Variants in SLCO1B1 observed in about 807,000 individuals in gnomAD.
SLCO1B1 encodes solute carrier organic anion transporter family member 1B1.
Under a neutral mutation model 70.1 loss-of-function variants are expected in SLCO1B1, and 81 were observed. That is an observed-to-expected ratio of 1.16 (90% CI 0.97 to 1.39). The LOEUF (loss-of-function observed/expected upper bound fraction) is 1.39. Ranked by LOEUF, SLCO1B1 falls within the 40% of genes most tolerant of loss-of-function variation. SLCO1B1 has a pLI of 0.00. For synonymous variants in SLCO1B1, 283 were observed against 271.5 expected (o/e 1.04, Z -0.42); for missense variants, 895 against 799.6 (o/e 1.12, Z -1.44).
At chr12:21,140,151 A>G (rs1322542195) in intron 1 of SLCO1B1, among the ~76,000 whole-genome samples, 6 of 152,102 alleles carry the variant, frequency 3.9e-5, no homozygotes, top group African/African-American at 1.2e-4. Context: ...CCAAGGAACA[A>G]TGGTTCAATA....
At chr12:21,206,117 A>T in intron 11 of SLCO1B1, 84 bp downstream of exon 11, 1 of 1,111,712 alleles carries the variant, frequency 9.0e-7, no homozygotes, top group Admixed American at 1.7e-5. Flanking sequence ...TTCTGTAACT[A>T]AGGACTCCAT....
intron 2 of SLCO1B1, among the ~76,000 whole-genome samples, chr12:21,168,543 T>C (rs1299261268): frequency 6.6e-6 from 1 of 152,188 alleles, no homozygotes; most frequent in Non-Finnish European, 1.5e-5. Flanking sequence ...CTAACTTCTC[T>C]TACTCGTTAT....
intron 7 of SLCO1B1, among the ~76,000 whole-genome samples, chr12:21,183,459 G>C (rs1272822636): frequency 1.3e-5 from 2 of 152,180 alleles, no homozygotes; most frequent in African/African-American, 4.8e-5. Context: ...GCCTGGCAAA[G>C]TGCTGGAATT....
chr12:21,199,880 C>T (rs976030976), intron 8 of SLCO1B1, among the ~76,000 whole-genome samples: 1 of 151,998 alleles, frequency 6.6e-6, no homozygotes, highest in Non-Finnish European at 1.5e-5. Context: ...CAGCTCACTG[C>T]AACCTTCGCC....
chr12:21,148,921 G>A (rs138956045), intron 2 of SLCO1B1, among the ~76,000 whole-genome samples: 4,290 of 151,924 alleles, frequency 0.028, 84 homozygotes, highest in South Asian at 0.052. Context: ...TGTAGTTCTC[G>A]TTGAAGAGGT....
chr12:21,144,504 A>G (rs1940355792), intron 2 of SLCO1B1, among the ~76,000 whole-genome samples: 1 of 152,180 alleles, frequency 6.6e-6, no homozygotes, highest in South Asian at 2.1e-4. Context: ...GATAAAGTCC[A>G]TGAAAAATTT....
chr12:21,238,414 C>T (rs1382094890), intron 14 of SLCO1B1, among the ~76,000 whole-genome samples: 2 of 151,980 alleles, frequency 1.3e-5, no homozygotes, highest in Admixed American at 6.6e-5. Context: ...TTGAAAATTT[C>T]CACGTCCCGG....
chr12:21,189,876 C>T (rs1941008637), intron 7 of SLCO1B1, among the ~76,000 whole-genome samples: 2 of 152,196 alleles, frequency 1.3e-5, no homozygotes, highest in South Asian at 4.1e-4. Flanking sequence ...AAACACTTAA[C>T]ATCTACTCTC....
intron 7 of SLCO1B1, among the ~76,000 whole-genome samples, chr12:21,181,006 G>T (rs182378908): frequency 5.4e-4 from 82 of 152,264 alleles, no homozygotes; most frequent in Admixed American, 1.8e-3. Context: ...AGGAGCTGAA[G>T]ACATAAAAAT....
intron 1 of SLCO1B1, among the ~76,000 whole-genome samples, chr12:21,138,348 A>G (rs1940257367): frequency 6.6e-6 from 1 of 152,196 alleles, no homozygotes; most frequent in Non-Finnish European, 1.5e-5. Flanking sequence ...TGCTAAATCC[A>G]AATGCCTATG....
chr12:21,225,080 C>T (rs1435688001), intron 14 of SLCO1B1, among the ~76,000 whole-genome samples: 2 of 151,930 alleles, frequency 1.3e-5, no homozygotes, highest in East Asian at 3.9e-4. Flanking sequence ...AGGATAATAA[C>T]CAACTTGTCA....
At chr12:21,232,691 C>CAG (rs374462905) in intron 14 of SLCO1B1, among the ~76,000 whole-genome samples, 3,570 of 143,238 alleles carry the variant, frequency 0.025, 53 homozygotes, top group African/African-American at 0.053. Context: ...CACACACACA[C>CAG]AGAGAGAGAG....
chr12:21,150,222 A>C (rs933845218), intron 2 of SLCO1B1, among the ~76,000 whole-genome samples: 21 of 150,500 alleles, frequency 1.4e-4, no homozygotes, highest in Non-Finnish European at 2.8e-4. Flanking sequence ...AATTCCCTCT[A>C]TCTGGGACAG....
chr12:21,223,066 C>A (rs1324112072), intron 13 of SLCO1B1, among the ~76,000 whole-genome samples: 3 of 152,130 alleles, frequency 2.0e-5, no homozygotes, highest in East Asian at 3.9e-4. Flanking sequence ...AATGGAGATA[C>A]CTCTCTGCTA....
chr12:21,237,606 T>C (rs996544135), intron 14 of SLCO1B1, among the ~76,000 whole-genome samples: 5 of 152,190 alleles, frequency 3.3e-5, no homozygotes, highest in African/African-American at 9.6e-5. Flanking sequence ...TAAAAATAAC[T>C]TAGGAAGTGT....
At chr12:21,161,867 G>A (rs962420868) in intron 2 of SLCO1B1, among the ~76,000 whole-genome samples, 1 of 152,016 alleles carries the variant, frequency 6.6e-6, no homozygotes, top group African/African-American at 2.4e-5. Context: ...AATTAGCCAG[G>A]TGTGATGGCA....
chr12:21,138,779 G>A (rs1009998039), intron 1 of SLCO1B1, among the ~76,000 whole-genome samples: 2 of 151,894 alleles, frequency 1.3e-5, no homozygotes, highest in Non-Finnish European at 2.9e-5. Context: ...CAAGAATGGA[G>A]AATGACATTC....
At chr12:21,133,621 T>C (rs536291714) in intron 1 of SLCO1B1, among the ~76,000 whole-genome samples, 48 of 152,288 alleles carry the variant, frequency 3.2e-4, no homozygotes, top group East Asian at 2.1e-3. Flanking sequence ...ACTCATGATT[T>C]GGCTCTCTGT....
chr12:21,223,919 A>G (rs550609339), intron 13 of SLCO1B1, among the ~76,000 whole-genome samples: 1 of 152,300 alleles, frequency 6.6e-6, no homozygotes, highest in East Asian at 1.9e-4. Flanking sequence ...TAAACAACAT[A>G]TCTGTCTGTG....
Sources: gnomAD v4.1 joint callset for allele counts (sites outside exome capture counted in the v4.1 genomes callset) on GRCh38, gnomAD v4.1.1 for gene constraint, MANE v1.5 for transcripts, NCBI Gene and HGNC (gene_info 2026-07-23, HGNC 2026-07-21) for gene names.